GYPE: variants seen among roughly 807,000 people sequenced by gnomAD.
GYPE encodes the protein glycophorin-E.
A neutral mutation model predicts 11.6 loss-of-function variants in GYPE; 8 were observed. The observed-to-expected ratio is 0.69, with a 90% CI of 0.41 to 1.25. The LOEUF (loss-of-function observed/expected upper bound fraction) is 1.25. Ranked by LOEUF, GYPE falls within the 50% of genes most tolerant of loss-of-function variation. GYPE has a pLI of 0.01. For synonymous variants in GYPE, 28 were observed against 29.6 expected, an observed-to-expected ratio of 0.94 and a Z score of 0.18; for missense variants, 90 against 92.8, an observed-to-expected ratio of 0.97 and a Z score of 0.12.
Position 143,905,526 on chromosome 4 carries a change from C to A in GYPE, c.-19G>T, listed in dbSNP as rs2323379. 6.2e-7 allele frequency: 1 copy of A among 1,613,058 alleles called. No homozygotes were observed. The highest frequency in any genetic ancestry group is 2.2e-5 in the East Asian group (1 of 44,874). On this transcript the variant is annotated 5_prime_UTR_variant, in exon 1 of 4. Coordinates refer to ENST00000358615, the MANE Select transcript of GYPE (RefSeq NM_198682.3). ...CATACATCCTGAGATCACGAGCTGGCTCCTGAAGTTAGTGCAAAAAAACTA... is the reference window on the plus strand; with the variant it reads ...CATACATCCTGAGATCACGAGCTGGATCCTGAAGTTAGTGCAAAAAAACTA...
At chr4:143,881,018 T>G (rs1019960515) in intron 1 of GYPE, among the ~76,000 whole-genome samples, 1 of 152,182 alleles carries the variant, frequency 6.6e-6, no homozygotes, top group African/African-American at 2.4e-5. Flanking sequence ...ACAAAACTTC[T>G]GTCCCATATC....
chr4:143,896,782 A>T (rs1744663226), intron 1 of GYPE, among the ~76,000 whole-genome samples: 1 of 152,226 alleles, frequency 6.6e-6, no homozygotes, highest in Non-Finnish European at 1.5e-5. Context: ...GATAGACTGG[A>T]TTAAGAAAAT....
intron 1 of GYPE, among the ~76,000 whole-genome samples, chr4:143,899,512 G>C (rs1744782131): frequency 6.6e-6 from 1 of 152,048 alleles, no homozygotes; most frequent in Non-Finnish European, 1.5e-5. Flanking sequence ...GATCTAAATA[G>C]CTAAAACAAT....
chr4:143,888,125 A>G (rs1413688950), intron 1 of GYPE, among the ~76,000 whole-genome samples: 2 of 94,564 alleles, frequency 2.1e-5, no homozygotes, highest in Non-Finnish European at 4.3e-5. Context: ...GGCCCAAGAC[A>G]TGTTAGGATA....
chr4:143,897,935 G>GTA (rs1176985097), intron 1 of GYPE, among the ~76,000 whole-genome samples: 28 of 152,272 alleles, frequency 1.8e-4, no homozygotes, highest in African/African-American at 6.7e-4. Flanking sequence ...ATAAAACATA[G>GTA]TATATATATC....
intron 1 of GYPE, among the ~76,000 whole-genome samples, chr4:143,899,745 TG>T (rs1744791704): frequency 7.5e-6 from 1 of 133,654 alleles, no homozygotes; most frequent in Non-Finnish European, 1.6e-5. Flanking sequence ...CAAATGGTGC[TG>T]GGACAGCTGC....
chr4:143,902,698 A>T (rs1290691998), intron 1 of GYPE, among the ~76,000 whole-genome samples: 2 of 151,914 alleles, frequency 1.3e-5, no homozygotes, highest in Non-Finnish European at 2.9e-5. Flanking sequence ...GCTACTATAA[A>T]TACCAATCGG....
At chr4:143,889,185 G>C (rs1744310274) in intron 1 of GYPE, among the ~76,000 whole-genome samples, 1 of 151,790 alleles carries the variant, frequency 6.6e-6, no homozygotes, top group Non-Finnish European at 1.5e-5. Flanking sequence ...GGCCTAGGAG[G>C]ACTGCAGCTT....
At chr4:143,889,128 A>T (rs1407981355) in intron 1 of GYPE, among the ~76,000 whole-genome samples, 2 of 147,884 alleles carry the variant, frequency 1.4e-5, no homozygotes, top group Non-Finnish European at 3.0e-5. Context: ...TCCTTTCCTA[A>T]CTTGGTAGAG....
At chr4:143,878,240 T>C (rs1743884808) in intron 2 of GYPE, among the ~76,000 whole-genome samples, 1 of 152,114 alleles carries the variant, frequency 6.6e-6, no homozygotes, top group Non-Finnish European at 1.5e-5. Flanking sequence ...ATCGATCCGA[T>C]CCTCCCACCT....
At chr4:143,880,100 C>T (rs1743967130) in intron 2 of GYPE, among the ~76,000 whole-genome samples, 1 of 152,174 alleles carries the variant, frequency 6.6e-6, no homozygotes, top group Non-Finnish European at 1.5e-5. Flanking sequence ...CTCATTTTGC[C>T]CACAGACCCT....
chr4:143,892,432 C>G (rs745367590), intron 1 of GYPE, among the ~76,000 whole-genome samples: 7,688 of 151,152 alleles, frequency 0.051, 256 homozygotes, highest in Non-Finnish European at 0.076. Flanking sequence ...TTCCTGCTTT[C>G]TCTTGTGGGC....
chr4:143,893,456 G>C (rs890059481), intron 1 of GYPE, among the ~76,000 whole-genome samples: 1 of 151,454 alleles, frequency 6.6e-6, no homozygotes, highest in Non-Finnish European at 1.5e-5. Flanking sequence ...TACCGGATGT[G>C]CCTTTCCATG....
chr4:143,904,603 C>T (rs1744990174), intron 1 of GYPE, among the ~76,000 whole-genome samples: 1 of 152,046 alleles, frequency 6.6e-6, no homozygotes, highest in South Asian at 2.1e-4. Context: ...TCAGTAGATC[C>T]TCTCTTCCCT....
chr4:143,881,938 A>G (rs370116844), intron 1 of GYPE, among the ~76,000 whole-genome samples: 2 of 152,280 alleles, frequency 1.3e-5, no homozygotes, highest in South Asian at 2.1e-4. Context: ...AAACAACAGA[A>G]AACATCTTCT....
intron 1 of GYPE, among the ~76,000 whole-genome samples, chr4:143,901,665 T>C (rs944932398): frequency 1.7e-4 from 26 of 152,040 alleles, no homozygotes; most frequent in African/African-American, 4.3e-4. Flanking sequence ...CAAAAGATAT[T>C]ACATTTGCAG....
intron 2 of GYPE, chr4:143,878,499 C>T (rs1394469090): frequency 3.0e-5 from 11 of 363,158 alleles, no homozygotes; most frequent in African/African-American, 9.2e-5. Flanking sequence ...ATTTTCTTTG[C>T]CTTTACAATT....
At chr4:143,873,335 T>C in intron 3 of GYPE, 1 of 430,394 alleles carries the variant, frequency 2.3e-6, no homozygotes, top group Non-Finnish European at 4.6e-6. Context: ...AGCGTTCAGC[T>C]GAGAATGGAA....
At chr4:143,879,662 A>G (rs1220800577) in intron 2 of GYPE, among the ~76,000 whole-genome samples, 2 of 152,212 alleles carry the variant, frequency 1.3e-5, no homozygotes, top group Non-Finnish European at 2.9e-5. Context: ...CTGAAACTTC[A>G]TTAACACTAT....
Sources: allele counts gnomAD v4.1 joint callset (sites outside exome capture counted in the v4.1 genomes callset), GRCh38; gene constraint gnomAD v4.1.1; transcripts MANE v1.5; gene names NCBI Gene and HGNC (gene_info 2026-07-23, HGNC 2026-07-21).